CLIP2: variants seen among roughly 807,000 people sequenced by gnomAD.
CLIP2 encodes the protein CAP-Gly domain containing linker protein 2.
A neutral mutation model predicts 111.7 loss-of-function variants in CLIP2; 41 were observed. The observed-to-expected ratio is 0.37, with a 90% CI of 0.29 to 0.48. CLIP2 has a LOEUF of 0.48. CLIP2 is among the 20% of genes least tolerant of loss of function. The pLI is 0.99. For missense variants in CLIP2, 1,160 were observed against 1,422.1 expected, an observed-to-expected ratio of 0.82 and a Z score of 2.96; for synonymous variants, 660 against 644.2, an observed-to-expected ratio of 1.02 and a Z score of -0.37.
At chr7:74,325,352 G>A (rs1468033987) in intron 2 of CLIP2, among the ~76,000 whole-genome samples, 1 of 152,150 alleles carries the variant, frequency 6.6e-6, no homozygotes, top group African/African-American at 2.4e-5. Flanking sequence ...AGTCCTGGGT[G>A]GAGCAGCGTG....
At chr7:74,314,602 T>C (rs955655811) in intron 1 of CLIP2, among the ~76,000 whole-genome samples, 17 of 152,322 alleles carry the variant, frequency 1.1e-4, no homozygotes, top group Middle Eastern at 3.4e-3. Context: ...TTTCCTGTGT[T>C]TCCGAGGTCC....
intron 8 of CLIP2, 39 bp downstream of exon 8, chr7:74,364,354 C>T (rs1554310370): frequency 1.3e-6 from 2 of 1,573,260 alleles, no homozygotes; most frequent in Admixed American, 1.7e-5. Context: ...ACACTTAGCA[C>T]CGGTGCCTGG....
Position 74,317,552 on chromosome 7 carries a change from G to T in CLIP2, c.6G>T (p.Gln2His). ...ACCTGCCCAGTGGCACCGCCATGCA[G>T]AAGCCCAGCGGCCTGAAGCCCCCCG... M[Q>H]KPSGLKPPGR... Residue 2 changes from glutamine (Q) to histidine (H), a missense_variant, in exon 2 of 17, where the codon CAG (glutamine) becomes CAT (histidine). This residue lies in a region of CLIP2 where 301 missense variants were observed against 315.2 expected (regional missense o/e 0.96). Coordinates refer to ENST00000223398, the MANE Select transcript of CLIP2 (RefSeq NM_003388.5). The T allele has an allele frequency of 7.0e-7, 1 of 1,438,744 alleles. No individual in the cohort carries two copies. The highest frequency in any genetic ancestry group is 1.6e-5 in the South Asian group (1 of 64,376). 89.1% of individuals were successfully genotyped at this position (1,438,744 alleles called of 1,614,324 possible).
intron 11 of CLIP2, among the ~76,000 whole-genome samples, chr7:74,382,847 G>A (rs1362541673): frequency 6.6e-6 from 1 of 151,802 alleles, no homozygotes; most frequent in Admixed American, 6.6e-5. Flanking sequence ...TGAGTTAGGA[G>A]TATTGCTTGA....
At chr7:74,304,510 A>G (rs1554727369) in intron 1 of CLIP2, among the ~76,000 whole-genome samples, 1 of 151,030 alleles carries the variant, frequency 6.6e-6, no homozygotes, top group Non-Finnish European at 1.5e-5. Flanking sequence ...TGGGTGACAG[A>G]GGGAGACTCT....
At chr7:74,399,354 A>T (rs1791549962) in intron 14 of CLIP2, among the ~76,000 whole-genome samples, 1 of 152,066 alleles carries the variant, frequency 6.6e-6, no homozygotes, top group African/African-American at 2.4e-5. Flanking sequence ...CCTGGACCTC[A>T]TAACAAGACC....
intron 3 of CLIP2, among the ~76,000 whole-genome samples, chr7:74,350,807 AGTGAG>A: frequency 6.6e-6 from 1 of 151,904 alleles, no homozygotes; most frequent in East Asian, 1.9e-4. Flanking sequence ...TTCAGGCTGC[AGTGAG>A]CCATGATCGC....
intron 4 of CLIP2, among the ~76,000 whole-genome samples, chr7:74,355,103 G>A (rs1790110914): frequency 6.6e-6 from 1 of 152,204 alleles, no homozygotes; most frequent in Non-Finnish European, 1.5e-5. Context: ...ACTGGAGTCT[G>A]TGGTTGAGAC....
At chr7:74,310,868 T>C (rs1788625132) in intron 1 of CLIP2, among the ~76,000 whole-genome samples, 1 of 151,924 alleles carries the variant, frequency 6.6e-6, no homozygotes, top group East Asian at 1.9e-4. Context: ...CACGCCACCA[T>C]GCCCTGCTAA....
At chr7:74,317,802 A>G in intron 2 of CLIP2, 135 bp downstream of exon 2, 2 of 1,122,094 alleles carry the variant, frequency 1.8e-6, no homozygotes, top group Non-Finnish European at 2.3e-6. Context: ...AGCTCCTGTA[A>G]TGGGGCCTGA....
At chr7:74,390,429 G>A (rs1791264788) in intron 13 of CLIP2, among the ~76,000 whole-genome samples, 1 of 152,170 alleles carries the variant, frequency 6.6e-6, no homozygotes, top group African/African-American at 2.4e-5. Flanking sequence ...CAGCACTTTA[G>A]AAGGCTGAGG....
chr7:74,388,886 T>G, intron 12 of CLIP2: 1 of 428,254 alleles, frequency 2.3e-6, no homozygotes, highest in Non-Finnish European at 4.1e-6. Context: ...AGCTCAGGAG[T>G]TGGAGGCTGC....
Position 74,307,339 on chromosome 7 carries a change from A to G in CLIP2, c.-67-10141A>G, listed in dbSNP as rs1261108776. On this transcript the variant is annotated intron_variant, in intron 1 of 16. Transcript: ENST00000223398. ...AAGGGCCAGACCCGGGTCTGATTCC[A>G]GGACAGCCACTTAGCAGTGTGTGAC... is the stretch of plus-strand genomic sequence containing the variant. 7.2e-5 allele frequency among the ~76,000 whole-genome samples: 11 copies of G among 152,258 alleles called. 1 individual carries two copies. The South Asian group carries it at 2.3e-3, about 32-fold the overall frequency.
intron 1 of CLIP2, among the ~76,000 whole-genome samples, chr7:74,300,898 G>A (rs1262027838): frequency 6.6e-6 from 1 of 152,166 alleles, no homozygotes; most frequent in African/African-American, 2.4e-5. Context: ...ACATACCAGT[G>A]CTGGTATCCT....
intron 2 of CLIP2, among the ~76,000 whole-genome samples, chr7:74,334,432 G>T (rs548795968): frequency 5.9e-5 from 9 of 152,052 alleles, no homozygotes; most frequent in Admixed American, 4.6e-4. Flanking sequence ...GCCTGGGCCC[G>T]GACAGCTGGG....
chr7:74,329,137 A>G (rs1293444970), intron 2 of CLIP2, among the ~76,000 whole-genome samples: 2 of 132,856 alleles, frequency 1.5e-5, no homozygotes, highest in Non-Finnish European at 3.1e-5. Context: ...TGTGTTAGCC[A>G]GGATTGTCTC....
intron 3 of CLIP2, among the ~76,000 whole-genome samples, chr7:74,343,629 G>A (rs903752176): frequency 6.6e-5 from 10 of 151,652 alleles, no homozygotes; most frequent in Admixed American, 5.9e-4. Flanking sequence ...ACGGTGGCTC[G>A]TGCCTGTAAT....
chr7:74,374,393 G>A (rs1790719838), intron 9 of CLIP2, among the ~76,000 whole-genome samples: 1 of 152,180 alleles, frequency 6.6e-6, no homozygotes, highest in Non-Finnish European at 1.5e-5. Context: ...AATGCATCTT[G>A]ATCTAGGGTT....
chr7:74,335,334 A>C (rs1469307239), intron 2 of CLIP2, among the ~76,000 whole-genome samples: 1 of 124,460 alleles, frequency 8.0e-6, no homozygotes, highest in Non-Finnish European at 1.8e-5. Flanking sequence ...TCATAAATGC[A>C]GCTGCTATCT....
Sources: gnomAD v4.1 joint callset for allele counts (sites outside exome capture counted in the v4.1 genomes callset) on GRCh38, gnomAD v4.1.1 for gene constraint, gnomAD v4.1.1 regional missense constraint, MANE v1.5 for transcripts, NCBI Gene and HGNC (gene_info 2026-07-23, HGNC 2026-07-21) for gene names.